Variants in LRPPRC observed in about 807,000 individuals in gnomAD.
LRPPRC encodes leucine rich pentatricopeptide repeat containing.
LRPPRC carries 120 observed loss-of-function variants against 180.3 expected under a neutral mutation model. The ratio of observed to expected loss-of-function variants is 0.67; its 90% CI spans 0.57 to 0.77. LRPPRC has a LOEUF of 0.77. Among genes scored for constraint, LRPPRC ranks in the 30% least tolerant of loss-of-function variants. LRPPRC has a pLI of 0.00. For missense variants in LRPPRC, 2,012 were observed against 1,657.2 expected, an observed-to-expected ratio of 1.21 and a Z score of -3.72; for synonymous variants, 723 against 600.0, an observed-to-expected ratio of 1.21 and a Z score of -3.00.
At chr2:43,968,026 A>G (rs895107648) in intron 11 of LRPPRC, among the ~76,000 whole-genome samples, 1 of 152,048 alleles carries the variant, frequency 6.6e-6, no homozygotes, top group African/African-American at 2.4e-5. Context: ...ACCAGTAATA[A>G]TTGTTTCCAG....
At chr2:43,960,245 A>G (rs7573769) in intron 13 of LRPPRC, among the ~76,000 whole-genome samples, 24,852 of 152,172 alleles carry the variant, frequency 0.16, 2,689 homozygotes, top group East Asian at 0.49. Context: ...GAGAGGTTAG[A>G]AGACTTCTTC....
At chr2:43,917,755 C>G (rs930164303) in intron 29 of LRPPRC, among the ~76,000 whole-genome samples, 1 of 152,136 alleles carries the variant, frequency 6.6e-6, no homozygotes, top group Non-Finnish European at 1.5e-5. Context: ...CGCTACTACA[C>G]TCCAGCCTGG....
chr2:43,985,826 G>T (rs1399231762), intron 1 of LRPPRC, among the ~76,000 whole-genome samples: 1 of 152,160 alleles, frequency 6.6e-6, no homozygotes, highest in Non-Finnish European at 1.5e-5. Context: ...CATGCATTTT[G>T]AACTCATTTG....
At chr2:43,966,332 T>C (rs1303940285) in intron 11 of LRPPRC, among the ~76,000 whole-genome samples, 2 of 151,928 alleles carry the variant, frequency 1.3e-5, no homozygotes, top group South Asian at 2.1e-4. Flanking sequence ...TTTTCAGTTA[T>C]ACGGTAAATA....
At chr2:43,924,183 A>C (rs567641894) in intron 27 of LRPPRC, among the ~76,000 whole-genome samples, 2 of 152,344 alleles carry the variant, frequency 1.3e-5, no homozygotes, top group South Asian at 4.1e-4. Flanking sequence ...AAATTTGCCA[A>C]GAGAAAAGAA....
At chr2:43,989,199 T>A (rs569949078) in intron 1 of LRPPRC, among the ~76,000 whole-genome samples, 2 of 152,330 alleles carry the variant, frequency 1.3e-5, no homozygotes, top group African/African-American at 4.8e-5. Flanking sequence ...ATGAACTTTC[T>A]CCCTCTAAGA....
At position 43,928,572 on chromosome 2, in the gene LRPPRC, G is replaced by A. The variant is rs546519146; in HGVS notation, c.2737-2611C>T. 1.0e-3 allele frequency among the ~76,000 whole-genome samples: 152 copies of A among 152,116 alleles called. 1 individual carries two copies. The highest frequency in any genetic ancestry group is 1.8e-3 in the Non-Finnish European group (124 of 67,998). On this transcript the variant is annotated intron_variant, in intron 25 of 37. Coordinates refer to ENST00000260665, the MANE Select transcript of LRPPRC (RefSeq NM_133259.4). Reference sequence around the variant, plus strand: ...TAGGAGGAAAAATCATGTGCACAAGGGCTTTAAAGAAGGGACAGACAAAGA... The same window carrying A: ...TAGGAGGAAAAATCATGTGCACAAGAGCTTTAAAGAAGGGACAGACAAAGA...
chr2:43,994,389 A>T (rs114266486), intron 1 of LRPPRC, among the ~76,000 whole-genome samples: 1 of 152,216 alleles, frequency 6.6e-6, no homozygotes, highest in Non-Finnish European at 1.5e-5. Flanking sequence ...AACCGTAGAT[A>T]TTATGACTCC....
In LRPPRC at chr2:43,976,141, AC is replaced by A; in HGVS notation, c.737+1del. The A allele has an allele frequency of 6.3e-7, 1 of 1,588,990 alleles. No individual in the cohort carries two copies. Among genetic ancestry groups the A allele is most frequent in the Non-Finnish European group, 8.6e-7 (1 of 1,157,160 alleles). ...GAACCAAAACCTTAGGTTGAACATT[AC>A]CCAGCTCTGGCATGCCCTGTCACAA... On this transcript the variant is annotated splice_donor_variant, in intron 6 of 37. Transcript: ENST00000260665. LOFTEE classifies it high-confidence loss of function.
At chr2:43,918,425 A>T (rs1671557831) in intron 27 of LRPPRC, 27 bp from the exon 28 acceptor site, 1 of 1,527,706 alleles carries the variant, frequency 6.5e-7, no homozygotes, top group African/African-American at 1.4e-5. Flanking sequence ...AGCAGAAATT[A>T]ATCAATAAAT....
intron 29 of LRPPRC, among the ~76,000 whole-genome samples, chr2:43,914,434 C>G (rs1301165077): frequency 6.6e-6 from 1 of 152,148 alleles, no homozygotes; most frequent in South Asian, 2.1e-4. Flanking sequence ...ACAGGAAACT[C>G]TGAAGAGTTA....
In LRPPRC at chr2:43,901,290, T is replaced by C. The variant is rs371398802; in HGVS notation, c.3569+30A>G. 361 of 1,579,758 alleles carry C rather than the reference T, an allele frequency of 2.3e-4. 1 individual carries two copies. Among genetic ancestry groups the C allele is most frequent in the Non-Finnish European group, 1.4e-4 (162 of 1,151,870 alleles). On this transcript the variant is annotated intron_variant, in intron 32 of 37. Coordinates refer to ENST00000260665, the MANE Select transcript of LRPPRC (RefSeq NM_133259.4). Reference sequence around the variant, plus strand: ...AGGCAATGCCCATTCTAGTGACCAATGAAGGAAAAGAAGGCTTGCAAATAC... The same window carrying C: ...AGGCAATGCCCATTCTAGTGACCAACGAAGGAAAAGAAGGCTTGCAAATAC...
rs1253665315 is a variant in LRPPRC, at chr2:43,973,613, C to T, written c.1363G>A (p.Val455Ile). 2 of 1,610,916 alleles carry T rather than the reference C, an allele frequency of 1.2e-6. No homozygotes were observed. The highest frequency in any genetic ancestry group is 1.7e-6 in the Non-Finnish European group (2 of 1,177,198). The change falls in exon 11 of 38, where the codon GTT becomes ATT. Residue 455 changes from valine (V) to isoleucine (I), a missense_variant. Transcript: ENST00000260665. ...GTAAAAGGCAAAATCTAACCTTGAACATTTTTTTCCTTCCGACGTCCAACT... is the reference window on the plus strand; with the variant it reads ...GTAAAAGGCAAAATCTAACCTTGAATATTTTTTTCCTTCCGACGTCCAACT... ...LLVGRRKEKN[V>I]QGIIEILKGM... is the part of the protein sequence containing the mutation.
chr2:43,934,989 T>TA (rs1672226665), intron 23 of LRPPRC, 111 bp from the exon 24 acceptor site: 5 of 803,590 alleles, frequency 6.2e-6, no homozygotes, highest in Non-Finnish European at 9.9e-6. Context: ...ACAACTGAGC[T>TA]TTACTTAAGG....
chr2:43,920,094 A>C lies in LRPPRC; in HGVS notation c.2897-1696T>G, dbSNP rs1196134900. Among the ~76,000 whole-genome samples, 4 of 151,644 alleles carry C rather than the reference A, an allele frequency of 2.6e-5. No individual in the cohort carries two copies. In the East Asian group the frequency reaches 7.7e-4, roughly 29 times the overall value. On this transcript the variant is annotated intron_variant, in intron 27 of 37. Transcript: ENST00000260665. ...ATCAGCAATTTAAAAAAAAAAAAAAAAAAAAAAACTTAGAGAAATTCCCCT... is the reference window on the plus strand; with the variant it reads ...ATCAGCAATTTAAAAAAAAAAAAAACAAAAAAAACTTAGAGAAATTCCCCT...
At chr2:43,896,061 C>T (rs1035966522) in intron 35 of LRPPRC, among the ~76,000 whole-genome samples, 1 of 151,864 alleles carries the variant, frequency 6.6e-6, no homozygotes, top group Non-Finnish European at 1.5e-5. Flanking sequence ...GGCTCATTTA[C>T]CTGATGGTTT....
intron 14 of LRPPRC, among the ~76,000 whole-genome samples, chr2:43,954,238 T>G (rs1454051770): frequency 6.6e-6 from 1 of 152,194 alleles, no homozygotes; most frequent in Non-Finnish European, 1.5e-5. Flanking sequence ...ATCCCTCAAA[T>G]GCAATACCTT....
At chr2:43,955,720 A>T (rs1202665387) in intron 14 of LRPPRC, among the ~76,000 whole-genome samples, 2 of 151,790 alleles carry the variant, frequency 1.3e-5, no homozygotes, top group Non-Finnish European at 2.9e-5. Flanking sequence ...CCTTGGGGAC[A>T]GAGCGAGACC....
At chr2:43,993,324 T>A (rs910590416) in intron 1 of LRPPRC, among the ~76,000 whole-genome samples, 2 of 152,238 alleles carry the variant, frequency 1.3e-5, no homozygotes, top group African/African-American at 4.8e-5. Context: ...GTTTTGCAAC[T>A]GTCCCTCGAG....
Sources: allele counts gnomAD v4.1 joint callset (sites outside exome capture counted in the v4.1 genomes callset), GRCh38; gene constraint gnomAD v4.1.1; transcripts MANE v1.5; gene names NCBI Gene and HGNC (gene_info 2026-07-23, HGNC 2026-07-21).